The following PALD1 variants were observed in gnomAD, a reference collection of about 807,000 sequenced individuals.
PALD1 encodes the protein paladin.
PALD1 carries 57 observed loss-of-function variants against 96.0 expected under a neutral mutation model. That is an observed-to-expected ratio of 0.59 (90% CI 0.48 to 0.74). The LOEUF (loss-of-function observed/expected upper bound fraction) is 0.74, where lower values mean the gene tolerates loss of function less well. PALD1 is among the 30% of genes least tolerant of loss of function. The pLI, the probability that PALD1 is intolerant of heterozygous loss-of-function variation, is 0.00. For synonymous variants in PALD1, 464 were observed against 473.6 expected, an observed-to-expected ratio of 0.98 and a Z score of 0.26; for missense variants, 1,063 against 1,143.7, an observed-to-expected ratio of 0.93 and a Z score of 1.02.
intron 2 of PALD1, among the ~76,000 whole-genome samples, chr10:70,528,774 C>G (rs538308258): frequency 7.2e-5 from 11 of 152,296 alleles, no homozygotes; most frequent in African/African-American, 2.6e-4. Flanking sequence ...CATCCAGGCC[C>G]CTTCTCCCTC....
chr10:70,550,936 G>C (rs1421833814), intron 18 of PALD1, among the ~76,000 whole-genome samples: 1 of 152,200 alleles, frequency 6.6e-6, no homozygotes, highest in Non-Finnish European at 1.5e-5. Flanking sequence ...GAAAATTCAT[G>C]TACAAGTTTT....
At chr10:70,473,228 C>T in the PALD1 span, among the ~76,000 whole-genome samples, 1 of 152,232 alleles carries the variant, frequency 6.6e-6, no homozygotes, top group Non-Finnish European at 1.5e-5. Context: ...ACCCTGGCCC[C>T]ACCCCGACTC....
intron 18 of PALD1, among the ~76,000 whole-genome samples, chr10:70,553,562 C>T (rs1235992871): frequency 1.3e-5 from 2 of 152,104 alleles, no homozygotes; most frequent in Non-Finnish European, 2.9e-5. Flanking sequence ...GGCTGATAGA[C>T]ATTTTTACGA....
At position 70,538,922 on chromosome 10, in the gene PALD1, C is replaced by G. The variant is rs781503990; in HGVS notation, c.1483C>G (p.Leu495Val). ...GGACGATCTGGTCTCCCCGGACGCG[C>G]TCAGCACTGTCAGAGAGATGGATGT... ...REDDLVSPDA[L>V]STVREMDVAN... The change falls in exon 13 of 20, where the codon CTC (leucine) becomes GTC (valine). Residue 495 changes from leucine (L) to valine (V), a missense_variant. By Grantham distance (32) the Leu-to-Val change is conservative (BLOSUM62 1). Transcript: ENST00000263563. The G allele has an allele frequency of 6.2e-7, 1 of 1,613,730 alleles. No homozygotes were observed. Among genetic ancestry groups the G allele is most frequent in the Non-Finnish European group, 8.5e-7 (1 of 1,179,990 alleles).
the PALD1 span, among the ~76,000 whole-genome samples, chr10:70,468,650 C>G: frequency 6.7e-6 from 1 of 150,144 alleles, no homozygotes; most frequent in African/African-American, 2.5e-5. Context: ...TTCTTATGGA[C>G]GGGGTGTAGT....
intron 1 of PALD1, among the ~76,000 whole-genome samples, chr10:70,521,781 G>A (rs1372477714): frequency 6.6e-6 from 1 of 151,882 alleles, no homozygotes; most frequent in African/African-American, 2.4e-5. Flanking sequence ...TGATCTGCCC[G>A]CTTTGGCCTT....
At chr10:70,504,256 G>T (rs1438541609) in intron 1 of PALD1, among the ~76,000 whole-genome samples, 1 of 152,212 alleles carries the variant, frequency 6.6e-6, no homozygotes, top group African/African-American at 2.4e-5. Context: ...GCTGGGCATG[G>T]TGGCTCACGC....
intron 18 of PALD1, among the ~76,000 whole-genome samples, chr10:70,548,787 C>T (rs1000501481): frequency 3.3e-5 from 5 of 152,186 alleles, no homozygotes; most frequent in African/African-American, 9.7e-5. Context: ...AGCTTTTGCT[C>T]AGGGTCATGG....
At chr10:70,507,750 C>CGT (rs10579511) in intron 1 of PALD1, among the ~76,000 whole-genome samples, 15,867 of 148,298 alleles carry the variant, frequency 0.11, 860 homozygotes, top group South Asian at 0.17. Context: ...TTTGTGTGTG[C>CGT]GTGTGTGTGT....
intron 1 of PALD1, among the ~76,000 whole-genome samples, chr10:70,520,939 G>T (rs112520896): frequency 6.6e-6 from 1 of 152,014 alleles, no homozygotes; most frequent in East Asian, 1.9e-4. Flanking sequence ...TGATCCGCCC[G>T]CCTCAGCCTC....
intron 3 of PALD1, 141 bp from the exon 4 acceptor site, chr10:70,529,748 G>T (rs1336264105): frequency 1.6e-6 from 1 of 643,400 alleles, no homozygotes; most frequent in South Asian, 1.9e-5. Context: ...TCCATGAACT[G>T]CAGGCAACTT....
chr10:70,513,074 A>C (rs1265985578), intron 1 of PALD1, among the ~76,000 whole-genome samples: 1 of 152,232 alleles, frequency 6.6e-6, no homozygotes, highest in Non-Finnish European at 1.5e-5. Context: ...CTGGGTCCTC[A>C]AGGGCAGAAC....
At chr10:70,519,731 C>T (rs1399437492) in intron 1 of PALD1, among the ~76,000 whole-genome samples, 6 of 151,954 alleles carry the variant, frequency 3.9e-5, no homozygotes, top group African/African-American at 7.3e-5. Flanking sequence ...TGTGCTACCA[C>T]GCCGGGCTAA....
chr10:70,462,785 G>C, the PALD1 span, among the ~76,000 whole-genome samples: 2 of 152,194 alleles, frequency 1.3e-5, no homozygotes, highest in Non-Finnish European at 2.9e-5. Context: ...GGCGGGGACA[G>C]TGGGTAGCCT....
At chr10:70,465,653 C>T in the PALD1 span, among the ~76,000 whole-genome samples, 1 of 152,146 alleles carries the variant, frequency 6.6e-6, no homozygotes, top group Non-Finnish European at 1.5e-5. Context: ...CAATCTGACT[C>T]CAAAGCCTGA....
At chr10:70,463,304 G>T in the PALD1 span, among the ~76,000 whole-genome samples, 2 of 152,126 alleles carry the variant, frequency 1.3e-5, no homozygotes, top group East Asian at 3.9e-4. Flanking sequence ...CCAGCTACGG[G>T]GAGGCTGAGG....
chr10:70,490,654 T>C (rs559674407), intron 1 of PALD1, among the ~76,000 whole-genome samples: 43 of 152,294 alleles, frequency 2.8e-4, no homozygotes, highest in African/African-American at 1.0e-3. Flanking sequence ...ATTGGAAGGA[T>C]GTTAACTGCA....
the PALD1 span, among the ~76,000 whole-genome samples, chr10:70,463,839 T>C: frequency 6.6e-6 from 1 of 152,114 alleles, no homozygotes; most frequent in Admixed American, 6.6e-5. Flanking sequence ...AAGGAAGATC[T>C]GGATGGGGAG....
At chr10:70,528,087 A>G (rs1276699164) in intron 2 of PALD1, among the ~76,000 whole-genome samples, 3 of 152,224 alleles carry the variant, frequency 2.0e-5, no homozygotes, top group Non-Finnish European at 4.4e-5. Context: ...ACCTTCATCC[A>G]TGTCCCTACA....
Sources: allele counts gnomAD v4.1 joint callset (sites outside exome capture counted in the v4.1 genomes callset), GRCh38; gene constraint gnomAD v4.1.1; transcripts MANE v1.5; gene names NCBI Gene and HGNC (gene_info 2026-07-23, HGNC 2026-07-21).